IL1RAPL2: variants seen among roughly 807,000 people sequenced by gnomAD.
The protein encoded by IL1RAPL2 is interleukin 1 receptor accessory protein like 2.
IL1RAPL2 carries 3 observed loss-of-function variants against 44.1 expected under a neutral mutation model. The observed-to-expected ratio is 0.07, with a 90% confidence interval of 0.03 to 0.18. The LOEUF (loss-of-function observed/expected upper bound fraction) is 0.18, where lower values mean the gene tolerates loss of function less well. Among genes scored for constraint, IL1RAPL2 ranks in the 10% least tolerant of loss-of-function variants. IL1RAPL2 has a pLI of 1.00. For synonymous variants in IL1RAPL2, 181 were observed against 178.8 expected (o/e 1.01, Z -0.10); for missense variants, 391 against 496.4 (o/e 0.79, Z 2.02).
At chrX:105,289,836 C>A (rs1446086410) in intron 5 of IL1RAPL2, among the ~76,000 whole-genome samples, 5 of 111,515 alleles carry the variant, frequency 4.5e-5, no homozygotes, top group Non-Finnish European at 7.5e-5. Flanking sequence ...TCTATGATAT[C>A]ACTGAAGAAT....
intron 2 of IL1RAPL2, among the ~76,000 whole-genome samples, chrX:104,946,402 A>AAAAAAAAAAC (rs1556018731): frequency 1.0e-5 from 1 of 95,674 alleles, no homozygotes; most frequent in Non-Finnish European, 2.1e-5. Flanking sequence ...AAAAAAAAAA[A>AAAAAAAAAAC]AAAAAAACTT....
chrX:105,356,174 GT>G (rs2035201416), intron 5 of IL1RAPL2, among the ~76,000 whole-genome samples: 1 of 100,056 alleles, frequency 1.0e-5, no homozygotes, highest in African/African-American at 4.9e-5. Flanking sequence ...GTGTGTGTGT[GT>G]GTGTGTGTGG....
At chrX:104,707,114 A>G (rs1931375029) in intron 2 of IL1RAPL2, among the ~76,000 whole-genome samples, 1 of 111,281 alleles carries the variant, frequency 9.0e-6, no homozygotes, top group Non-Finnish European at 1.9e-5. Context: ...CACTGGCTAC[A>G]TTTTCATAAT....
At chrX:104,637,188 C>G (rs913025863) in intron 1 of IL1RAPL2, among the ~76,000 whole-genome samples, 1 of 110,618 alleles carries the variant, frequency 9.0e-6, no homozygotes, top group African/African-American at 3.3e-5. Context: ...TATTCTGCAA[C>G]TTTACTGAAT....
At chrX:105,388,078 G>A (rs1397444171) in intron 5 of IL1RAPL2, among the ~76,000 whole-genome samples, 1 of 92,968 alleles carries the variant, frequency 1.1e-5, no homozygotes, top group South Asian at 5.6e-4. Context: ...AACCCAGAAG[G>A]CAGAGGTTGC....
intron 2 of IL1RAPL2, among the ~76,000 whole-genome samples, chrX:104,882,459 T>G (rs1923096222): frequency 8.9e-6 from 1 of 111,996 alleles, no homozygotes; most frequent in African/African-American, 3.2e-5. Flanking sequence ...TCCATGGTAA[T>G]GAGAGGTGAA....
At chrX:105,622,995 G>T (rs866420402) in intron 6 of IL1RAPL2, among the ~76,000 whole-genome samples, 16 of 110,783 alleles carry the variant, frequency 1.4e-4, no homozygotes, top group Middle Eastern at 9.3e-3. Flanking sequence ...TTCAAGTACT[G>T]GTTGCTTATG....
chrX:104,695,209 G>T (rs1027625748), intron 2 of IL1RAPL2, among the ~76,000 whole-genome samples: 9 of 112,111 alleles, frequency 8.0e-5, no homozygotes, highest in African/African-American at 2.9e-4. Context: ...TTGTGAAAAG[G>T]CATGAGTCTT....
intron 2 of IL1RAPL2, among the ~76,000 whole-genome samples, chrX:105,028,323 A>G (rs1185001961): frequency 9.0e-6 from 1 of 111,348 alleles, no homozygotes; most frequent in Non-Finnish European, 1.9e-5. Flanking sequence ...AAAAATAACT[A>G]CAAGACTGTA....
intron 3 of IL1RAPL2, among the ~76,000 whole-genome samples, chrX:105,211,850 G>A (rs781830401): frequency 1.0e-3 from 114 of 111,640 alleles, no homozygotes; most frequent in Middle Eastern, 9.3e-3. Context: ...AGGGTGAGGC[G>A]TCACTTCACC....
intron 2 of IL1RAPL2, among the ~76,000 whole-genome samples, chrX:104,931,832 G>A (rs779397903): frequency 5.5e-5 from 6 of 109,737 alleles, no homozygotes; most frequent in Non-Finnish European, 1.1e-4. Context: ...TAAGGATCAA[G>A]AAGCTTTAAC....
chrX:104,712,515 A>G (rs1433133184), intron 2 of IL1RAPL2, among the ~76,000 whole-genome samples: 2 of 110,584 alleles, frequency 1.8e-5, no homozygotes, highest in Admixed American at 9.7e-5. Flanking sequence ...CTGATCCTCT[A>G]TATATGTACA....
At chrX:105,090,191 T>C (rs891256163) in intron 2 of IL1RAPL2, among the ~76,000 whole-genome samples, 3 of 111,302 alleles carry the variant, frequency 2.7e-5, no homozygotes, top group African/African-American at 9.8e-5. Flanking sequence ...CTGGCATAAA[T>C]ACAGTTGTCC....
chrX:104,731,769 A>G (rs1931924603), intron 2 of IL1RAPL2, among the ~76,000 whole-genome samples: 1 of 112,157 alleles, frequency 8.9e-6, no homozygotes, highest in African/African-American at 3.2e-5. Flanking sequence ...ATCAGTGCTT[A>G]TGTTAAACAG....
chrX:105,676,195 A>G (rs777228858), intron 6 of IL1RAPL2: 5 of 111,815 alleles, frequency 4.5e-5, no homozygotes, highest in African/African-American at 1.6e-4. Context: ...GGCTTCTAAA[A>G]CGATTTTTAA....
intron 2 of IL1RAPL2, among the ~76,000 whole-genome samples, chrX:104,778,238 G>C (rs918208147): frequency 1.8e-5 from 2 of 109,805 alleles, no homozygotes; most frequent in Admixed American, 2.0e-4. Context: ...ACACATTCTA[G>C]GTGTTAGCCC....
At chrX:105,315,651 G>T (rs1250876087) in intron 5 of IL1RAPL2, among the ~76,000 whole-genome samples, 5 of 84,045 alleles carry the variant, frequency 5.9e-5, no homozygotes, top group Non-Finnish European at 9.3e-5. Context: ...ACAGTAGGCT[G>T]TCTGCAAGCT....
At chrX:104,846,639 T>C (rs1226999572) in intron 2 of IL1RAPL2, among the ~76,000 whole-genome samples, 2 of 112,092 alleles carry the variant, frequency 1.8e-5, no homozygotes, top group Non-Finnish European at 3.8e-5. Context: ...CTATTGTGAA[T>C]GGTGCCTCAG....
chrX:104,902,987 A>G (rs1445376029), intron 2 of IL1RAPL2, among the ~76,000 whole-genome samples: 2 of 111,826 alleles, frequency 1.8e-5, no homozygotes, highest in Non-Finnish European at 3.8e-5. Flanking sequence ...TTTAAAATTG[A>G]TGTACATTAA....
Sources: gnomAD v4.1 joint callset for allele counts (sites outside exome capture counted in the v4.1 genomes callset) on GRCh38, gnomAD v4.1.1 for gene constraint, MANE v1.5 for transcripts, NCBI Gene and HGNC (gene_info 2026-07-23, HGNC 2026-07-21) for gene names.